The following HTN1 variants were observed in gnomAD, a reference collection of about 807,000 sequenced individuals.
HTN1 encodes histatin 1.
Under a neutral mutation model 11.2 loss-of-function variants are expected in HTN1, and 18 were observed. The ratio of observed to expected loss-of-function variants is 1.61; its 90% CI spans 1.12 to 2.39. The LOEUF (loss-of-function observed/expected upper bound fraction) is 2.39, where lower values mean the gene tolerates loss of function less well. Ranked by LOEUF, HTN1 falls within the 30% of genes most tolerant of loss-of-function variation. The probability of loss-of-function intolerance (pLI) is 0.00; values close to 1 mark genes in which losing one functional copy is unlikely to be tolerated. For missense variants in HTN1, 80 were observed against 67.2 expected (o/e 1.19, Z -0.67); for synonymous variants, 21 against 20.5 (o/e 1.02, Z -0.07).
At chr4:70,051,084 G>A (rs1316532928) in intron 1 of HTN1, among the ~76,000 whole-genome samples, 1 of 151,944 alleles carries the variant, frequency 6.6e-6, no homozygotes, top group African/African-American at 2.4e-5. Context: ...TTATTTCCTT[G>A]TCTAGATACC....
intron 1 of HTN1, among the ~76,000 whole-genome samples, chr4:70,051,706 C>T (rs1412271755): frequency 6.6e-6 from 1 of 151,858 alleles, no homozygotes; most frequent in Non-Finnish European, 1.5e-5. Flanking sequence ...TTGAGTGAAG[C>T]AAAATAAACG....
At chr4:70,052,807 A>AT in intron 1 of HTN1, 1 of 291,216 alleles carries the variant, frequency 3.4e-6, no homozygotes, top group Admixed American at 4.5e-5. Context: ...AAAAAAAAAA[A>AT]GAAAGAAAAA....
intron 5 of HTN1, 134 bp from the exon 6 acceptor site, chr4:70,058,446 A>C (rs546950254): frequency 7.4e-4 from 113 of 152,272 alleles, no homozygotes; most frequent in African/African-American, 2.5e-3. Context: ...ACTCTATATC[A>C]AATAGTATTT....
rs532844764 is a variant in HTN1, at chr4:70,057,566, G to A, written c.*34-1014G>A. The A allele has an allele frequency of 2.0e-5, 3 of 152,264 alleles. No homozygotes were observed. In the South Asian group the frequency reaches 6.2e-4, roughly 32 times the overall value. 9.4% of individuals were successfully genotyped at this position (152,264 alleles called of 1,614,324 possible). ...CGAGGGAAAGCTTCTGTTCACCAGT[G>A]TTAAGATGCTGAGTTCTGGGTAGGA... is the stretch of plus-strand genomic sequence containing the variant. On this transcript the variant is annotated intron_variant, in intron 5 of 5. Transcript: ENST00000246896.
At chr4:70,055,406 CAATCT>C in intron 4 of HTN1, 87 bp from the exon 5 acceptor site, 1 of 875,888 alleles carries the variant, frequency 1.1e-6, no homozygotes, top group Admixed American at 2.0e-5. Context: ...ACAACTTTAG[CAATCT>C]AAGCTTTTAA....
At chr4:70,053,709 C>T (rs779051677) in intron 2 of HTN1, among the ~76,000 whole-genome samples, 14 of 152,046 alleles carry the variant, frequency 9.2e-5, no homozygotes, top group Non-Finnish European at 1.8e-4. Context: ...CTTTGGAGCT[C>T]TTTCTCCTTC....
chr4:70,057,363 A>C (rs1031137571), intron 5 of HTN1: 1 of 152,074 alleles, frequency 6.6e-6, no homozygotes, highest in Admixed American at 6.6e-5. Context: ...GGGAGGGGAC[A>C]ACACAAACCA....
chr4:70,054,248 A>G, intron 2 of HTN1, 74 bp from the exon 3 acceptor site: 1 of 932,762 alleles, frequency 1.1e-6, no homozygotes, highest in Non-Finnish European at 1.6e-6. Flanking sequence ...TATGTGGCTA[A>G]GTCAATATTT....
Position 70,057,948 on chromosome 4 carries a change from A to G in HTN1, c.*34-632A>G, listed in dbSNP as rs202245754. On this transcript the variant is annotated intron_variant, in intron 5 of 5. Transcript: ENST00000246896. The stretch of plus-strand genomic sequence containing the variant: ...ATATAACATCAACAAGGAGATGGGA[A>G]TTTTCAAGGAAATAGAAAATGGTAA... 1.3e-5 allele frequency: 2 copies of G among 152,144 alleles called. 1 individual carries two copies. Among genetic ancestry groups the G allele is most frequent in the South Asian group, 4.1e-4 (2 of 4,832 alleles). The allele number at this position is 152,144 out of a possible 1,614,324, so 9.4% of individuals were successfully genotyped here.
rs1231171793 is a variant in HTN1, at chr4:70,053,157, C to T, written c.51+30C>T. The T allele has an allele frequency of 7.2e-6, 10 of 1,398,428 alleles. No homozygotes were observed. The South Asian group carries it at 8.1e-5, about 11-fold the overall frequency. 86.6% of individuals were successfully genotyped at this position (1,398,428 alleles called of 1,614,324 possible). A position where few individuals can be genotyped will look rare whatever the true frequency, so the allele number is the denominator to read the frequency against. ...GTATATCTGGAAATTTTAAATACTA[C>T]ATTCTCAGTACTTATCCCAAGTGTC... On this transcript the variant is annotated intron_variant, in intron 2 of 5. Coordinates refer to ENST00000246896, the MANE Select transcript of HTN1 (RefSeq NM_002159.4).
intron 1 of HTN1, among the ~76,000 whole-genome samples, chr4:70,051,470 A>C (rs144279437): frequency 6.6e-6 from 1 of 152,060 alleles, no homozygotes; most frequent in Non-Finnish European, 1.5e-5. Context: ...TTGATTATCT[A>C]TGTTCGTTTA....
chr4:70,050,984 T>A (rs1725876908), intron 1 of HTN1, among the ~76,000 whole-genome samples: 4 of 152,248 alleles, frequency 2.6e-5, no homozygotes, highest in Middle Eastern at 6.8e-3. Flanking sequence ...TCCTATGAAT[T>A]AACACCAGCA....
chr4:70,053,301 T>C (rs940056019), intron 2 of HTN1, among the ~76,000 whole-genome samples, 174 bp downstream of exon 2: 4 of 152,182 alleles, frequency 2.6e-5, no homozygotes, highest in South Asian at 4.1e-4. Flanking sequence ...TTTAAGGACT[T>C]GGAATAGATA....
chr4:70,054,225 C>A, intron 2 of HTN1, 97 bp from the exon 3 acceptor site: 1 of 753,516 alleles, frequency 1.3e-6, no homozygotes, highest in Non-Finnish European at 2.1e-6. Context: ...TGCCTCCATT[C>A]TGTTTAATCA....
Position 70,054,201 on chromosome 4 carries a change from C to T in HTN1, c.52-121C>T, listed in dbSNP as rs1725973243. The T allele has an allele frequency of 4.4e-5, 27 of 610,462 alleles. No homozygotes were observed. In the East Asian group the frequency reaches 8.4e-4, roughly 19 times the overall value. 37.8% of individuals were successfully genotyped at this position (610,462 alleles called of 1,614,324 possible). A position where few individuals can be genotyped will look rare whatever the true frequency, so the allele number is the denominator to read the frequency against. On this transcript the variant is annotated intron_variant, in intron 2 of 5. Coordinates refer to ENST00000246896, the MANE Select transcript of HTN1 (RefSeq NM_002159.4). Reference sequence around the variant, plus strand: ...AGCTAAAATAACTAATTTAGTCTGTCATCAACCAAAGAATGCCTCCATTCT... The same window carrying T: ...AGCTAAAATAACTAATTTAGTCTGTTATCAACCAAAGAATGCCTCCATTCT...
At chr4:70,050,804 G>C in intron 1 of HTN1, among the ~76,000 whole-genome samples, 1 of 151,952 alleles carries the variant, frequency 6.6e-6, no homozygotes, top group Non-Finnish European at 1.5e-5. Context: ...TGGGATACGT[G>C]TGCAGGACAT....
At chr4:70,054,235 A>G (rs1725974653) in intron 2 of HTN1, 87 bp from the exon 3 acceptor site, 1 of 834,058 alleles carries the variant, frequency 1.2e-6, no homozygotes. Flanking sequence ...CTGTTTAATC[A>G]TATATGTGGC....
intron 2 of HTN1, among the ~76,000 whole-genome samples, chr4:70,053,910 T>A (rs961955129): frequency 6.6e-6 from 1 of 152,084 alleles, no homozygotes; most frequent in African/African-American, 2.4e-5. Context: ...AGTAGAAAAA[T>A]AAACAAATAA....
chr4:70,055,579 T>G lies in HTN1; in HGVS notation c.*10T>G. 6.7e-7 allele frequency: 1 copy of G among 1,494,506 alleles called. No homozygotes were observed. The highest frequency in any genetic ancestry group is 9.3e-7 in the Non-Finnish European group (1 of 1,072,560). 92.6% of individuals were successfully genotyped at this position (1,494,506 alleles called of 1,614,324 possible). ...TCTATATGACAATTGATATCCTTAG[T>G]AATCATGGGGCATGATTATAGAGGT... is the stretch of plus-strand genomic sequence containing the variant. On this transcript the variant is annotated 3_prime_UTR_variant, in exon 5 of 6. Coordinates refer to ENST00000246896, the MANE Select transcript of HTN1 (RefSeq NM_002159.4).
Sources: gnomAD v4.1 joint callset for allele counts (sites outside exome capture counted in the v4.1 genomes callset) on GRCh38, gnomAD v4.1.1 for gene constraint, MANE v1.5 for transcripts, NCBI Gene and HGNC (gene_info 2026-07-23, HGNC 2026-07-21) for gene names.